The following MED13L variants were observed in gnomAD, a reference collection of about 807,000 sequenced individuals.
MED13L encodes mediator complex subunit 13L.
In MED13L, 7 loss-of-function variants were observed where a neutral mutation model predicts 220.9. The observed-to-expected ratio is 0.03, with a 90% CI of 0.02 to 0.06. The LOEUF is 0.06. Among genes scored for constraint, MED13L ranks in the 10% least tolerant of loss-of-function variants. The pLI is 1.00. For missense variants in MED13L, 1,965 were observed against 2,760.5 expected, an observed-to-expected ratio of 0.71 and a Z score of 6.46; for synonymous variants, 1,011 against 1,015.2, an observed-to-expected ratio of 1.00 and a Z score of 0.08.
At chr12:116,076,864 T>C (rs1415426698) in intron 4 of MED13L, among the ~76,000 whole-genome samples, 1 of 152,210 alleles carries the variant, frequency 6.6e-6, no homozygotes, top group African/African-American at 2.4e-5. Flanking sequence ...CTTTTATACA[T>C]CTTGGGCCCA....
At chr12:116,243,410 C>A (rs576328286) in intron 1 of MED13L, among the ~76,000 whole-genome samples, 2 of 152,116 alleles carry the variant, frequency 1.3e-5, no homozygotes, top group Non-Finnish European at 2.9e-5. Context: ...GGTTAAGTGG[C>A]AGATACTCCC....
At chr12:116,066,091 A>ACTCT (rs369681097) in intron 4 of MED13L, among the ~76,000 whole-genome samples, 1 of 151,754 alleles carries the variant, frequency 6.6e-6, no homozygotes, top group African/African-American at 2.4e-5. Context: ...TCTGTCTTTG[A>ACTCT]CTCTCTCTCT....
intron 2 of MED13L, among the ~76,000 whole-genome samples, chr12:116,210,551 C>CA (rs1472355516): frequency 8.8e-6 from 1 of 113,666 alleles, no homozygotes; most frequent in African/African-American, 3.5e-5. Context: ...AGAACGTAAC[C>CA]TATATATATA....
chr12:115,970,841 T>C, intron 26 of MED13L, 71 bp from the exon 27 acceptor site: 1 of 1,414,074 alleles, frequency 7.1e-7, no homozygotes, highest in Non-Finnish European at 9.8e-7. Flanking sequence ...GAGGGCCTGA[T>C]CTGGAGTGGT....
rs80157399 is a variant in MED13L, at chr12:116,076,942, T to A, written c.479+19727A>T. Among the ~76,000 whole-genome samples, 18 of 152,330 alleles carry A rather than the reference T, an allele frequency of 1.2e-4. No individual in the cohort carries two copies. In the East Asian group the frequency reaches 3.5e-3, roughly 29 times the overall value. ...TCTCTGGGTCTCAGGAGTCATATTTTTAGGGCAACCTCTTCATATCTTCCA... is the reference window on the plus strand; with the variant it reads ...TCTCTGGGTCTCAGGAGTCATATTTATAGGGCAACCTCTTCATATCTTCCA... On this transcript the variant is annotated intron_variant, in intron 4 of 30. Transcript: ENST00000281928.
chr12:116,120,477 T>TCTCACACACA (rs1257256737), intron 2 of MED13L, among the ~76,000 whole-genome samples: 8 of 79,470 alleles, frequency 1.0e-4, no homozygotes, highest in Middle Eastern at 8.1e-3. Context: ...TCTCTCTCTC[T>TCTCACACACA]CACACACACA....
intron 4 of MED13L, among the ~76,000 whole-genome samples, chr12:116,048,920 A>C (rs1032682604): frequency 7.9e-5 from 12 of 152,178 alleles, no homozygotes; most frequent in African/African-American, 2.7e-4. Context: ...GGAAACAGCT[A>C]ATGTCTCAAT....
At chr12:115,976,814 C>A (rs982890804) in intron 23 of MED13L, among the ~76,000 whole-genome samples, 2 of 152,024 alleles carry the variant, frequency 1.3e-5, no homozygotes, top group Admixed American at 1.3e-4. Flanking sequence ...AAAAGAAAAC[C>A]AGAGAATTAA....
chr12:116,090,447 G>A (rs1215766145), intron 4 of MED13L, among the ~76,000 whole-genome samples: 1 of 152,126 alleles, frequency 6.6e-6, no homozygotes, highest in East Asian at 1.9e-4. Context: ...GTGAATACAA[G>A]AGTTACTTTC....
At chr12:116,158,151 G>GAA (rs753715015) in intron 2 of MED13L, among the ~76,000 whole-genome samples, 14 of 128,776 alleles carry the variant, frequency 1.1e-4, no homozygotes, top group Admixed American at 4.6e-4. Flanking sequence ...AATTCAAGGG[G>GAA]AAAAAAAAAA....
At chr12:116,141,421 A>G (rs1877064238) in intron 2 of MED13L, among the ~76,000 whole-genome samples, 1 of 152,186 alleles carries the variant, frequency 6.6e-6, no homozygotes, top group Non-Finnish European at 1.5e-5. Context: ...TACAAAACGA[A>G]CTGAAAACAC....
At chr12:115,993,696 G>A (rs1189071028) in intron 16 of MED13L, among the ~76,000 whole-genome samples, 2 of 152,164 alleles carry the variant, frequency 1.3e-5, no homozygotes, top group Non-Finnish European at 2.9e-5. Context: ...AAATTATTAC[G>A]CAGTTCAGAT....
At chr12:116,032,010 T>A (rs1364247841) in intron 4 of MED13L, among the ~76,000 whole-genome samples, 1 of 152,044 alleles carries the variant, frequency 6.6e-6, no homozygotes, top group East Asian at 1.9e-4. Context: ...GGGAAAAATA[T>A]ATCCCATTAG....
intron 4 of MED13L, among the ~76,000 whole-genome samples, chr12:116,053,919 G>T (rs1868722048): frequency 6.6e-6 from 1 of 152,154 alleles, no homozygotes; most frequent in Admixed American, 6.5e-5. Context: ...AGGAGTTAAA[G>T]TAACTTCCCC....
At chr12:116,108,327 G>A (rs529189992) in intron 3 of MED13L, among the ~76,000 whole-genome samples, 3 of 137,562 alleles carry the variant, frequency 2.2e-5, no homozygotes, top group Admixed American at 8.6e-5. Context: ...CTCATCGGAA[G>A]AACTGTCGTG....
intron 7 of MED13L, among the ~76,000 whole-genome samples, chr12:116,018,281 T>C (rs1370046876): frequency 1.3e-5 from 2 of 152,224 alleles, no homozygotes; most frequent in African/African-American, 4.8e-5. Flanking sequence ...ACAAAGTATA[T>C]GCTTTTCCCC....
chr12:116,191,027 G>A (rs892936989), intron 2 of MED13L, among the ~76,000 whole-genome samples: 11 of 151,464 alleles, frequency 7.3e-5, no homozygotes, highest in Non-Finnish European at 1.6e-4. Context: ...AGGAGGCGGA[G>A]GTTGCAGTGA....
chr12:116,052,287 C>G (rs904431805), intron 4 of MED13L, among the ~76,000 whole-genome samples: 6 of 152,108 alleles, frequency 3.9e-5, no homozygotes, highest in African/African-American at 1.2e-4. Flanking sequence ...ACAGAAAGGT[C>G]AGACTAAAGG....
intron 1 of MED13L, among the ~76,000 whole-genome samples, chr12:116,267,394 TAAAAC>T (rs1385661893): frequency 6.6e-6 from 1 of 152,200 alleles, no homozygotes; most frequent in African/African-American, 2.4e-5. Context: ...ATGCTATACT[TAAAAC>T]AAGTCATTTT....
Sources: allele counts gnomAD v4.1 joint callset (sites outside exome capture counted in the v4.1 genomes callset), GRCh38; gene constraint gnomAD v4.1.1; transcripts MANE v1.5; gene names NCBI Gene and HGNC (gene_info 2026-07-23, HGNC 2026-07-21).